Variants in CSF2RB observed in about 807,000 individuals in gnomAD.
CSF2RB encodes cytokine receptor common subunit beta.
A neutral mutation model predicts 67.2 loss-of-function variants in CSF2RB; 22 were observed. The observed-to-expected ratio is 0.33, with a 90% CI of 0.23 to 0.47. The LOEUF is 0.47. CSF2RB is among the 20% of genes least tolerant of loss of function. CSF2RB has a pLI of 1.00. For missense variants in CSF2RB, 1,113 were observed against 1,174.5 expected (o/e 0.95, Z 0.76); for synonymous variants, 507 against 482.9 (o/e 1.05, Z -0.65).
Position 36,938,127 on chromosome 22 carries a change from G to A in CSF2RB, c.2319G>A (p.Glu773=), listed in dbSNP as rs539820176. Residue 773 remains glutamate, a synonymous_variant, in exon 14 of 14, where the codon GAG becomes GAA. Coordinates refer to ENST00000403662, the MANE Select transcript of CSF2RB (RefSeq NM_000395.3). ...FEGYVELPPI[E]GRSPRSPRNN... ...GCTATGTGGAGCTCCCTCCAATTGA[G>A]GGCCGGTCCCCCAGGTCACCAAGGA... is the stretch of plus-strand genomic sequence containing the variant. The A allele has an allele frequency of 7.9e-5, 127 of 1,614,056 alleles. No individual in the cohort carries two copies. In the South Asian group the frequency reaches 1.2e-3, roughly 15 times the overall value.
chr22:36,918,750 C>A (rs1206182420), intron 1 of CSF2RB, among the ~76,000 whole-genome samples: 1 of 152,212 alleles, frequency 6.6e-6, no homozygotes, highest in Non-Finnish European at 1.5e-5. Context: ...ATAGAAGTTT[C>A]TTTTTCCCAG....
rs759452223 is a variant in CSF2RB, at chr22:36,933,971, C to A, written c.1292C>A (p.Ala431Glu). 4 of 1,612,798 alleles carry A rather than the reference C, an allele frequency of 2.5e-6. No homozygotes were observed. The highest frequency in any genetic ancestry group is 2.2e-5 in the South Asian group (2 of 91,082). The change falls in exon 10 of 14, where the codon GCG becomes GAG. Residue 431 changes from alanine (A) to glutamate (E), a missense_variant. By Grantham distance (107) the Ala-to-Glu change is moderately radical (BLOSUM62 -1). Around this residue, in one of 2 missense-constraint regions of CSF2RB, gnomAD observed 559 missense variants for 656.5 expected, o/e 0.85. Transcript: ENST00000403662. ...YNGIWSEWSE[A>E]RSWDTESVLP... ...GGGATCTGGAGCGAGTGGAGTGAGG[C>A]GCGCTCCTGGGACACCGAGTCGGGT... is the stretch of plus-strand genomic sequence containing the variant.
rs951899191 is a variant in CSF2RB, at chr22:36,938,165, C to G, written c.2357C>G (p.Pro786Arg). The G allele has an allele frequency of 1.4e-5, 23 of 1,614,022 alleles. No homozygotes were observed. Among genetic ancestry groups the G allele is most frequent in the Non-Finnish European group, 1.9e-5 (23 of 1,180,018 alleles). Residue 786 changes from proline (P) to arginine (R), a missense_variant, in exon 14 of 14, where the codon CCC becomes CGC. Pro to Arg is a moderately radical substitution (Grantham distance 103). Transcript: ENST00000403662. ...SPRSPRNNPV[P>R]PEAKSPVLNP... ...AGGTCACCAAGGAACAATCCTGTCCCCCCTGAGGCCAAAAGCCCTGTCCTG... is the reference window on the plus strand; with the variant it reads ...AGGTCACCAAGGAACAATCCTGTCCGCCCTGAGGCCAAAAGCCCTGTCCTG...
chr22:36,918,797 A>G (rs1940782479), intron 1 of CSF2RB, among the ~76,000 whole-genome samples: 1 of 152,224 alleles, frequency 6.6e-6, no homozygotes, highest in Non-Finnish European at 1.5e-5. Context: ...GTTTCAGGCT[A>G]GTATGGTTGC....
Position 36,939,530 on chromosome 22 carries a change from C to T in CSF2RB, c.*1028C>T, listed in dbSNP as rs1271942673. 5.9e-6 allele frequency: 2 copies of T among 339,408 alleles called. No homozygotes were observed. The highest frequency in any genetic ancestry group is 4.2e-5 in the Admixed American group (1 of 23,812). The allele number at this position is 339,408 out of a possible 1,614,324, so 21.0% of individuals were successfully genotyped here. A position where few individuals can be genotyped will look rare whatever the true frequency, so the allele number is the denominator to read the frequency against. ...GATTATGGTTCTTTTAAATCTTTGC[C>T]TTTCAGATACAGGAAAAATAATGGC... On this transcript the variant is annotated 3_prime_UTR_variant, in exon 14 of 14. Transcript: ENST00000403662.
Position 36,937,862 on chromosome 22 carries a change from G to T in CSF2RB, c.2054G>T (p.Gly685Val), listed in dbSNP as rs1422851707. Residue 685 changes from glycine (G) to valine (V), a missense_variant, in exon 14 of 14, where the codon GGA becomes GTA. Transcript: ENST00000403662. The surrounding 1 kb of genome is among the most constrained non-coding windows in gnomAD (Gnocchi z 4.6). ...APPALGPRVGGQDQKDSPVAI... is the reference protein window; with the variant it reads ...APPALGPRVGVQDQKDSPVAI... ...CCTGCTCTTGGGCCAAGGGTGGGAG[G>T]ACAGGACCAAAAGGACAGCCCTGTG... The T allele has an allele frequency of 5.6e-6, 9 of 1,613,924 alleles. No homozygotes were observed. The highest frequency in any genetic ancestry group is 7.6e-6 in the Non-Finnish European group (9 of 1,179,916).
chr22:36,938,202 A>T lies in CSF2RB; in HGVS notation c.2394A>T (p.Glu798Asp). 1 of 1,614,092 alleles carries T rather than the reference A, an allele frequency of 6.2e-7. No individual in the cohort carries two copies. Among genetic ancestry groups the T allele is most frequent in the Non-Finnish European group, 8.5e-7 (1 of 1,179,992 alleles). ...EAKSPVLNPG[E>D]RPADVSPTSP... ...AAAGCCCTGTCCTGAACCCAGGGGA[A>T]CGCCCGGCAGATGTGTCCCCAACAT... The change falls in exon 14 of 14, where the codon GAA becomes GAT. Residue 798 changes from glutamate to aspartate, a missense_variant. By Grantham distance (45) the Glu-to-Asp change is conservative (BLOSUM62 2). Transcript: ENST00000403662.
At chr22:36,925,928 C>A (rs1231739239) in intron 3 of CSF2RB, 59 bp from the exon 4 acceptor site, 8 of 1,583,916 alleles carry the variant, frequency 5.1e-6, no homozygotes, top group South Asian at 4.4e-5. Context: ...ACTCGAGGAA[C>A]CTTTCGTGAG....
chr22:36,915,921 A>G (rs1477993634), intron 1 of CSF2RB, among the ~76,000 whole-genome samples: 1 of 152,178 alleles, frequency 6.6e-6, no homozygotes, highest in Non-Finnish European at 1.5e-5. Flanking sequence ...TTTATGATGA[A>G]TGTGGAGAAA....
At chr22:36,933,054 G>A in intron 9 of CSF2RB, 150 bp downstream of exon 9, 1 of 950,566 alleles carries the variant, frequency 1.1e-6, no homozygotes, top group Non-Finnish European at 1.6e-6. Flanking sequence ...TAGGCTGTGT[G>A]GTCAGCAGGT....
rs1211066043 is a variant in CSF2RB at position 36,930,406 on chromosome 22, C to T, written c.750C>T (p.Cys250=). ...GDEAQPQNLE[C]FFDGAAVLSC... ...AGGCCCAGCCCCAGAACCTGGAGTG[C>T]TTCTTTGACGGGGCCGCCGTGCTCA... Residue 250 remains cysteine (C), a synonymous_variant, in exon 7 of 14, where the codon TGC becomes TGT. Coordinates refer to ENST00000403662, the MANE Select transcript of CSF2RB (RefSeq NM_000395.3). 4 of 1,613,498 alleles carry T rather than the reference C, an allele frequency of 2.5e-6. No individual in the cohort carries two copies. The highest frequency in any genetic ancestry group is 3.4e-6 in the Non-Finnish European group (4 of 1,180,028).
intron 11 of CSF2RB, 60 bp downstream of exon 11, chr22:36,935,501 C>G: frequency 6.2e-7 from 1 of 1,603,124 alleles, no homozygotes; most frequent in South Asian, 1.1e-5. Flanking sequence ...ACTGGGGAAT[C>G]CCACCCAGCT....
At chr22:36,914,199 T>C (rs1940660685) in intron 1 of CSF2RB, among the ~76,000 whole-genome samples, 1 of 152,140 alleles carries the variant, frequency 6.6e-6, no homozygotes, top group African/African-American at 2.4e-5. Context: ...TGTGTGTGCC[T>C]GTGTGTGTAT....
Position 36,922,335 on chromosome 22 carries a change from C to T in CSF2RB, c.76+52C>T, listed in dbSNP as rs1454078070. ...CCCTGTCCCTGTCCTCACTGCTGCA[C>T]CCTGGGGGAGGGCCGCAGCGTATCC... On this transcript the variant is annotated intron_variant, in intron 2 of 13. Coordinates refer to ENST00000403662, the MANE Select transcript of CSF2RB (RefSeq NM_000395.3). The T allele has an allele frequency of 7.3e-6, 11 of 1,513,806 alleles. 1 individual carries two copies. The African/African-American group carries it at 9.7e-5, about 13-fold the overall frequency. 93.8% of individuals were successfully genotyped at this position (1,513,806 alleles called of 1,614,324 possible).
chr22:36,930,639 C>G (rs1941128573), intron 7 of CSF2RB, 34 bp from the exon 8 acceptor site: 8 of 1,611,846 alleles, frequency 5.0e-6, no homozygotes, highest in Middle Eastern at 2.1e-4. Context: ...TGTGCCCTCC[C>G]TCTCCCTGCC....
At chr22:36,913,891 C>T (rs1228460810) in intron 1 of CSF2RB, among the ~76,000 whole-genome samples, 1 of 151,994 alleles carries the variant, frequency 6.6e-6, no homozygotes, top group Non-Finnish European at 1.5e-5. Flanking sequence ...GCCAGGGGTG[C>T]CAAGCTGCTT....
intron 1 of CSF2RB, among the ~76,000 whole-genome samples, chr22:36,915,422 T>TATATATA (rs1555921176): frequency 6.8e-6 from 1 of 146,368 alleles, no homozygotes; most frequent in Admixed American, 6.9e-5. Flanking sequence ...ATTATTTTAT[T>TATATATA]TATATATATA....
In CSF2RB at chr22:36,915,297, C is replaced by A. The variant is rs183340666; in HGVS notation, c.-173+1620C>A. 1.9e-3 allele frequency among the ~76,000 whole-genome samples: 290 copies of A among 152,160 alleles called. 1 individual carries two copies. Among genetic ancestry groups the A allele is most frequent in the Non-Finnish European group, 3.4e-3 (229 of 67,992 alleles). On this transcript the variant is annotated intron_variant, in intron 1 of 13. Transcript: ENST00000403662. ...ACAGGGTTTCACCATATTGGCCAGG[C>A]TGGTCTCGAACTCCTGACCTCAGAT...
Position 36,925,979 on chromosome 22 carries a change from C to T in CSF2RB, c.201-8C>T. 6.2e-7 allele frequency: 1 copy of T among 1,614,184 alleles called. No homozygotes were observed. Among genetic ancestry groups the T allele is most frequent in the African/African-American group, 1.3e-5 (1 of 75,046 alleles). On this transcript the variant is annotated splice_region_variant and splice_polypyrimidine_tract_variant and intron_variant, in intron 3 of 13. Coordinates refer to ENST00000403662, the MANE Select transcript of CSF2RB (RefSeq NM_000395.3). ...CACCCTGGGCTAAGCCGTGTCCTCT[C>T]CCAACAGGGACCTCCTGGAGCCAGT...
Sources: gnomAD v4.1 joint callset for allele counts (sites outside exome capture counted in the v4.1 genomes callset) on GRCh38, gnomAD v4.1.1 for gene constraint, gnomAD v4.1.1 regional missense constraint, Gnocchi (gnomAD v3.1) non-coding constraint, MANE v1.5 for transcripts, NCBI Gene and HGNC (gene_info 2026-07-23, HGNC 2026-07-21) for gene names.